HS3ST4: variants seen among roughly 807,000 people sequenced by gnomAD.
The protein encoded by HS3ST4 is heparan sulfate glucosamine 3-O-sulfotransferase 4.
Under a neutral mutation model 29.2 loss-of-function variants are expected in HS3ST4, and 17 were observed. That is an observed-to-expected ratio of 0.58 (90% CI 0.40 to 0.87). The LOEUF (loss-of-function observed/expected upper bound fraction) is 0.87. Ranked by LOEUF, HS3ST4 falls within the 40% of genes least tolerant of loss-of-function variation. The pLI, the probability that HS3ST4 is intolerant of heterozygous loss-of-function variation, is 0.00. For synonymous variants in HS3ST4, 314 were observed against 285.7 expected (o/e 1.10, Z -1.00); for missense variants, 627 against 634.5 (o/e 0.99, Z 0.13).
chr16:25,882,335 A>C (rs907863874), intron 1 of HS3ST4, among the ~76,000 whole-genome samples: 6 of 152,152 alleles, frequency 3.9e-5, no homozygotes, highest in African/African-American at 1.4e-4. Flanking sequence ...TTTGGGACAT[A>C]GTCCCTCCAG....
intron 1 of HS3ST4, among the ~76,000 whole-genome samples, chr16:26,108,396 C>T (rs1003055482): frequency 2.6e-5 from 4 of 152,118 alleles, no homozygotes; most frequent in African/African-American, 9.7e-5. Context: ...GATTTGTTGC[C>T]CATGGAAATC....
intron 1 of HS3ST4, among the ~76,000 whole-genome samples, chr16:26,112,323 A>G (rs1218534559): frequency 6.6e-6 from 1 of 150,912 alleles, no homozygotes; most frequent in African/African-American, 2.4e-5. Context: ...TGATCACTAA[A>G]ACTCCAGAAG....
chr16:26,097,719 C>A (rs9708504), intron 1 of HS3ST4, among the ~76,000 whole-genome samples: 39 of 151,984 alleles, frequency 2.6e-4, no homozygotes, highest in African/African-American at 8.9e-4. Context: ...CAACAAAAGC[C>A]AAAATAGACA....
At position 25,751,732 on chromosome 16, in the gene HS3ST4, T is replaced by G. The variant is rs139693346; in HGVS notation, c.734+58581T>G. Among the ~76,000 whole-genome samples the G allele has an allele frequency of 5.2e-3, 787 of 152,272 alleles. 5 individuals are homozygous for G. Among genetic ancestry groups the G allele is most frequent in the Middle Eastern group, 0.031 (9 of 294 alleles). On this transcript the variant is annotated intron_variant, in intron 1 of 1. Transcript: ENST00000331351. ...CTGGTGTGGAGTAAGCAGGATTAGA[T>G]TTAAATCTAATCGCCTTTCCTGTTT...
At chr16:25,809,980 T>G (rs1329123720) in intron 1 of HS3ST4, among the ~76,000 whole-genome samples, 1 of 152,046 alleles carries the variant, frequency 6.6e-6, no homozygotes, top group African/African-American at 2.4e-5. Flanking sequence ...TTTCATTGAT[T>G]GCTACTCATT....
At chr16:25,985,913 G>T (rs568076068) in intron 1 of HS3ST4, among the ~76,000 whole-genome samples, 46 of 152,250 alleles carry the variant, frequency 3.0e-4, no homozygotes, top group African/African-American at 1.1e-3. Flanking sequence ...TCAAACTCCT[G>T]TCCTCATGGT....
intron 1 of HS3ST4, among the ~76,000 whole-genome samples, chr16:25,891,139 T>C (rs1968003822): frequency 6.6e-6 from 1 of 152,152 alleles, no homozygotes; most frequent in Admixed American, 6.5e-5. Flanking sequence ...AGTGATGGGG[T>C]AACGTTTCAG....
At chr16:25,992,441 G>A (rs1275571864) in intron 1 of HS3ST4, among the ~76,000 whole-genome samples, 1 of 152,210 alleles carries the variant, frequency 6.6e-6, no homozygotes, top group Admixed American at 6.5e-5. Context: ...AGAGGTAGAG[G>A]AAAGCCACTA....
chr16:25,863,169 T>C (rs1174567393), intron 1 of HS3ST4, among the ~76,000 whole-genome samples: 1 of 152,156 alleles, frequency 6.6e-6, no homozygotes, highest in East Asian at 1.9e-4. Context: ...GTTTTTTTTC[T>C]GCCTCCAGGG....
At chr16:25,823,641 A>G (rs966332058) in intron 1 of HS3ST4, among the ~76,000 whole-genome samples, 4 of 152,024 alleles carry the variant, frequency 2.6e-5, no homozygotes, top group African/African-American at 9.7e-5. Context: ...GCTCACTGCA[A>G]CCTCCACCTC....
chr16:25,750,826 C>T (rs1356975738), intron 1 of HS3ST4, among the ~76,000 whole-genome samples: 1 of 152,180 alleles, frequency 6.6e-6, no homozygotes. Context: ...CCGCTTTTCC[C>T]TTCTACTTCT....
At chr16:25,935,303 A>T (rs564403408) in intron 1 of HS3ST4, among the ~76,000 whole-genome samples, 1 of 152,274 alleles carries the variant, frequency 6.6e-6, no homozygotes, top group South Asian at 2.1e-4. Flanking sequence ...CAACTGATGC[A>T]CCTACATTAA....
chr16:25,819,897 G>C (rs1427743659), intron 1 of HS3ST4, among the ~76,000 whole-genome samples: 2 of 150,838 alleles, frequency 1.3e-5, no homozygotes, highest in African/African-American at 4.9e-5. Flanking sequence ...TGTAACTCTA[G>C]CTACTTGGGA....
At chr16:26,036,561 G>C (rs1446754483) in intron 1 of HS3ST4, among the ~76,000 whole-genome samples, 1 of 152,050 alleles carries the variant, frequency 6.6e-6, no homozygotes, top group Non-Finnish European at 1.5e-5. Flanking sequence ...CCTTATAATG[G>C]ATGCCTCCAT....
At chr16:26,084,586 T>C (rs1318165256) in intron 1 of HS3ST4, among the ~76,000 whole-genome samples, 1 of 152,170 alleles carries the variant, frequency 6.6e-6, no homozygotes, top group Non-Finnish European at 1.5e-5. Flanking sequence ...GAGATCCTTA[T>C]TGTGCCAATC....
rs1898961648 is a variant in HS3ST4 at position 26,098,951 on chromosome 16, AAGAAC to A, written c.735-36659_735-36655del. Among the ~76,000 whole-genome samples, 3 of 152,216 alleles carry A rather than the reference AAGAAC, an allele frequency of 2.0e-5. No individual in the cohort carries two copies. In the East Asian group the frequency reaches 5.8e-4, roughly 29 times the overall value. On this transcript the variant is annotated intron_variant, in intron 1 of 1. Transcript: ENST00000331351. ...AGGCAAAAGGGTGATATAGAGGTCCAAGAACAAAGGGCACTAAACGACAGGTGTGG... is the reference window on the plus strand; with the variant it reads ...AGGCAAAAGGGTGATATAGAGGTCCAAAAGGGCACTAAACGACAGGTGTGG...
At chr16:25,828,298 TTCCCTCTCTCTCTCTCTCTCTC>T (rs1967252785) in intron 1 of HS3ST4, among the ~76,000 whole-genome samples, 7 of 27,916 alleles carry the variant, frequency 2.5e-4, no homozygotes, top group South Asian at 1.4e-3. Context: ...CTTTCTTTCT[TTCCCTCTCTCTCTCTCTCTCTC>T]TCTCTCTCTC....
intron 1 of HS3ST4, among the ~76,000 whole-genome samples, chr16:26,076,734 A>G (rs4442817): frequency 0.14 from 21,819 of 152,214 alleles, 1,743 homozygotes; most frequent in Non-Finnish European, 0.17. Context: ...TGAGGATGGT[A>G]GGAAACAGAA....
At chr16:25,805,374 G>C (rs957444981) in intron 1 of HS3ST4, among the ~76,000 whole-genome samples, 4 of 152,256 alleles carry the variant, frequency 2.6e-5, no homozygotes, top group Middle Eastern at 3.4e-3. Context: ...TCTTTCGAAG[G>C]CATCTTATCT....
Sources: gnomAD v4.1 joint callset for allele counts (sites outside exome capture counted in the v4.1 genomes callset) on GRCh38, gnomAD v4.1.1 for gene constraint, MANE v1.5 for transcripts, NCBI Gene and HGNC (gene_info 2026-07-23, HGNC 2026-07-21) for gene names.